The following PEDS1 variants were observed in gnomAD, a reference collection of about 807,000 sequenced individuals.
PEDS1 encodes the protein plasmanylethanolamine desaturase 1, also known as CarF homolog.
In PEDS1, 14 loss-of-function variants were observed where a neutral mutation model predicts 35.2. The observed-to-expected ratio is 0.40, with a 90% confidence interval of 0.26 to 0.62. The LOEUF is 0.62. Among genes scored for constraint, PEDS1 ranks in the 20% least tolerant of loss-of-function variants. The pLI, the probability that PEDS1 is intolerant of heterozygous loss-of-function variation, is 0.44. For missense variants in PEDS1, 260 were observed against 367.8 expected (o/e 0.71, Z 2.40); for synonymous variants, 152 against 152.0 (o/e 1.00, Z 0.00).
intron 1 of PEDS1, among the ~76,000 whole-genome samples, chr20:50,147,772 T>C (rs920075670): frequency 2.7e-4 from 41 of 152,266 alleles, no homozygotes; most frequent in African/African-American, 9.1e-4. Flanking sequence ...GCATACACAA[T>C]GGCCGGGTGT....
At position 50,125,323 on chromosome 20, in the gene PEDS1, G is replaced by A. The variant is rs2081088516; in HGVS notation, c.692-144C>T. ...GGACACAGGGACCGGCCAAGGAACT[G>A]GAAGTGGGGGCCTCCCACCAATGGG... On this transcript the variant is annotated intron_variant, in intron 5 of 5. Coordinates refer to ENST00000371652, the MANE Select transcript of PEDS1 (RefSeq NM_199129.4). 9 of 1,118,800 alleles carry A rather than the reference G, an allele frequency of 8.0e-6. No homozygotes were observed. In the South Asian group the frequency reaches 1.3e-4, roughly 17 times the overall value. The allele number at this position is 1,118,800 out of a possible 1,614,324, so 69.3% of individuals were successfully genotyped here.
At chr20:50,142,682 G>GCCCCCCCCCCCC (rs3091914) in intron 2 of PEDS1, among the ~76,000 whole-genome samples, 1 of 33,930 alleles carries the variant, frequency 2.9e-5, no homozygotes, top group Non-Finnish European at 5.6e-5. Context: ...CAAGTCATCC[G>GCCCCCCCCCCCC]CCCCCCCCCC....
At chr20:50,138,047 T>C (rs1009384799) in intron 2 of PEDS1, among the ~76,000 whole-genome samples, 1 of 152,196 alleles carries the variant, frequency 6.6e-6, no homozygotes, top group Non-Finnish European at 1.5e-5. Flanking sequence ...TGGCACACAC[T>C]GTAACAAATG....
In PEDS1 at chr20:50,135,889, C is replaced by G. The variant is rs144921899; in HGVS notation, c.242-4942G>C. On this transcript the variant is annotated intron_variant, in intron 2 of 5. Transcript: ENST00000371652. ...TTCTAGCGTGGGCCATGCAGTCGTG[C>G]GGATCAGCAGTGGTTCACCATTTTT... Among the ~76,000 whole-genome samples the G allele has an allele frequency of 2.6e-3, 399 of 152,204 alleles. 2 individuals carry two copies. Among genetic ancestry groups the G allele is most frequent in the African/African-American group, 9.1e-3 (376 of 41,518 alleles).
At chr20:50,148,858 C>A (rs1180316118) in intron 1 of PEDS1, among the ~76,000 whole-genome samples, 2 of 152,068 alleles carry the variant, frequency 1.3e-5, no homozygotes, top group Non-Finnish European at 2.9e-5. Flanking sequence ...TGCCTGTAAT[C>A]CCAGCACTTT....
At chr20:50,147,337 C>T (rs1450728113) in intron 1 of PEDS1, among the ~76,000 whole-genome samples, 2 of 152,218 alleles carry the variant, frequency 1.3e-5, no homozygotes, top group Non-Finnish European at 2.9e-5. Flanking sequence ...TAATAGCTGC[C>T]CCCATCCAAT....
chr20:50,120,795 T>C lies in PEDS1; in HGVS notation c.*4263A>G, dbSNP rs886105939. Reference sequence around the variant, plus strand: ...TTGAGTCTGCAGTGAGCGCAGATCATGCCACTGTGTTCCAGCCTGGGTGAC... The same window carrying C: ...TTGAGTCTGCAGTGAGCGCAGATCACGCCACTGTGTTCCAGCCTGGGTGAC... On this transcript the variant is annotated 3_prime_UTR_variant, in exon 6 of 6. Transcript: ENST00000371652. The C allele has an allele frequency of 1.3e-5, 2 of 151,828 alleles. No homozygotes were observed. Among genetic ancestry groups the C allele is most frequent in the African/African-American group, 4.8e-5 (2 of 41,284 alleles). The allele number at this position is 151,828 out of a possible 1,614,324, so 9.4% of individuals were successfully genotyped here.
intron 2 of PEDS1, among the ~76,000 whole-genome samples, chr20:50,136,308 G>T (rs746798358): frequency 6.6e-6 from 1 of 152,176 alleles, no homozygotes; most frequent in Non-Finnish European, 1.5e-5. Flanking sequence ...AACAGTAGTT[G>T]GGTTAACACT....
At chr20:50,139,942 A>G (rs1031932033) in intron 2 of PEDS1, among the ~76,000 whole-genome samples, 10 of 151,802 alleles carry the variant, frequency 6.6e-5, no homozygotes, top group African/African-American at 1.9e-4. Context: ...CCAGATTGCT[A>G]TTTCCAGCTG....
At chr20:50,148,378 A>G (rs1026960069) in intron 1 of PEDS1, among the ~76,000 whole-genome samples, 1 of 152,264 alleles carries the variant, frequency 6.6e-6, no homozygotes, top group East Asian at 1.9e-4. Flanking sequence ...GGGGACAGGG[A>G]GGGTGGCTGC....
chr20:50,137,076 GTTTTT>G (rs764879107), intron 2 of PEDS1, among the ~76,000 whole-genome samples: 1 of 152,010 alleles, frequency 6.6e-6, no homozygotes, highest in South Asian at 2.1e-4. Context: ...TTTGTTTGTT[GTTTTT>G]TTGAGACAGA....
In PEDS1 at chr20:50,151,177, T is replaced by C. The variant is rs6020297; in HGVS notation, c.121+2340A>G. 2.7e-5 allele frequency: 32 copies of C among 1,201,120 alleles called. 1 individual carries two copies. The African/African-American group carries it at 4.7e-4, about 18-fold the overall frequency. 74.4% of individuals were successfully genotyped at this position (1,201,120 alleles called of 1,614,324 possible). On this transcript the variant is annotated intron_variant, in intron 1 of 5. Transcript: ENST00000371652. ...AGCAGAGAGGCCAGTGGAAAGGAAG[T>C]TGGAGAAACCAGTTTGGCAAGTCTC...
chr20:50,124,235 A>G lies in PEDS1; in HGVS notation c.*823T>C, dbSNP rs2081075671. 6.6e-6 allele frequency: 1 copy of G among 152,578 alleles called. No individual in the cohort carries two copies. The highest frequency in any genetic ancestry group is 2.1e-4 in the South Asian group (1 of 4,832). 9.5% of individuals were successfully genotyped at this position (152,578 alleles called of 1,614,324 possible). On this transcript the variant is annotated 3_prime_UTR_variant, in exon 6 of 6. Transcript: ENST00000371652. Reference sequence around the variant, plus strand: ...ATCCAAAACATGACATTAAAATATTACTCCGTGTTACAGAAAAGATATTAA... The same window carrying G: ...ATCCAAAACATGACATTAAAATATTGCTCCGTGTTACAGAAAAGATATTAA...
intron 2 of PEDS1, among the ~76,000 whole-genome samples, chr20:50,140,231 C>T (rs1172742540): frequency 6.6e-6 from 1 of 152,254 alleles, no homozygotes; most frequent in African/African-American, 2.4e-5. Flanking sequence ...TCCACCGCTC[C>T]ACCCAGGTCT....
At chr20:50,131,631 AAAAG>A (rs1320615532) in intron 2 of PEDS1, among the ~76,000 whole-genome samples, 3 of 152,100 alleles carry the variant, frequency 2.0e-5, no homozygotes, top group East Asian at 1.9e-4. Context: ...CAAAAAAAAA[AAAAG>A]AAAGTACCTT....
At chr20:50,146,368 A>G (rs769998510) in intron 1 of PEDS1, among the ~76,000 whole-genome samples, 7 of 151,976 alleles carry the variant, frequency 4.6e-5, no homozygotes, top group Non-Finnish European at 8.8e-5. Context: ...TTCCCTACCT[A>G]AATGTGAAGT....
intron 2 of PEDS1, among the ~76,000 whole-genome samples, chr20:50,132,626 C>T (rs1288065911): frequency 6.6e-6 from 1 of 152,210 alleles, no homozygotes; most frequent in Non-Finnish European, 1.5e-5. Context: ...AAGCACTCGG[C>T]ACCTCTGACT....
Position 50,124,778 on chromosome 20 carries a change from T to G in PEDS1, c.*280A>C, listed in dbSNP as rs11555105. On this transcript the variant is annotated 3_prime_UTR_variant, in exon 6 of 6. Transcript: ENST00000371652. ...GCAGGGACGGCAGGCGTGCAGGGAGTGGGTAAACCTCCTCTCTACCAGGGG... is the reference window on the plus strand; with the variant it reads ...GCAGGGACGGCAGGCGTGCAGGGAGGGGGTAAACCTCCTCTCTACCAGGGG... 3 of 330,280 alleles carry G rather than the reference T, an allele frequency of 9.1e-6. No homozygotes were observed. Among genetic ancestry groups the G allele is most frequent in the Admixed American group, 8.4e-5 (2 of 23,786 alleles). The allele number at this position is 330,280 out of a possible 1,614,324, so 20.5% of individuals were successfully genotyped here.
intron 1 of PEDS1, among the ~76,000 whole-genome samples, chr20:50,153,276 G>A (rs756633690): frequency 6.6e-6 from 1 of 152,084 alleles, no homozygotes; most frequent in Non-Finnish European, 1.5e-5. Context: ...TTGTCGCCCA[G>A]GGAGCTCATG....
Sources: gnomAD v4.1 joint callset for allele counts (sites outside exome capture counted in the v4.1 genomes callset) on GRCh38, gnomAD v4.1.1 for gene constraint, MANE v1.5 for transcripts, NCBI Gene and HGNC (gene_info 2026-07-23, HGNC 2026-07-21) for gene names.